RBFOX1: variants seen among roughly 807,000 people sequenced by gnomAD.
RBFOX1 encodes the protein RNA binding protein fox-1 homolog 1.
A neutral mutation model predicts 57.7 loss-of-function variants in RBFOX1; 8 were observed. That is an observed-to-expected ratio of 0.14 (90% CI 0.08 to 0.25). The LOEUF is 0.25. Ranked by LOEUF, RBFOX1 falls within the 10% of genes least tolerant of loss-of-function variation. The pLI is 1.00. For missense variants in RBFOX1, 611 were observed against 548.5 expected, an observed-to-expected ratio of 1.11 and a Z score of -1.14; for synonymous variants, 326 against 222.4, an observed-to-expected ratio of 1.47 and a Z score of -4.15.
intron 2 of RBFOX1, among the ~76,000 whole-genome samples, chr16:6,354,621 A>G (rs1488919274): frequency 6.6e-6 from 1 of 152,052 alleles, no homozygotes; most frequent in African/African-American, 2.4e-5. Flanking sequence ...TCCTGACTGT[A>G]TACTAGCTGC....
In RBFOX1 at chr16:6,004,998, AC is replaced by A. The variant is rs1200422744; in HGVS notation, c.351+137664del. Among the ~76,000 whole-genome samples the A allele has an allele frequency of 1.3e-3, 145 of 114,656 alleles. 2 individuals carry two copies. Among genetic ancestry groups the A allele is most frequent in the South Asian group, 1.8e-3 (7 of 3,896 alleles). 75.2% of individuals were successfully genotyped at this position (114,656 alleles called of 152,430 possible). A position where few individuals can be genotyped will look rare whatever the true frequency, so the allele number is the denominator to read the frequency against. ...ATGAAATTTGTTTTGTTGCTAAAAA[AC>A]AAAACAAAACAAAACAAAACTTGGG... On this transcript the variant is annotated intron_variant, in intron 4 of 19. Coordinates refer to the RBFOX1 transcript ENST00000641259.
At chr16:5,839,584 C>T (rs1363292769) in intron 3 of RBFOX1, among the ~76,000 whole-genome samples, 1 of 152,152 alleles carries the variant, frequency 6.6e-6, no homozygotes, top group Non-Finnish European at 1.5e-5. Context: ...CTTAATCAAG[C>T]AGTAAGTAAC....
chr16:7,305,914 C>T (rs2096171998), intron 4 of RBFOX1, among the ~76,000 whole-genome samples: 1 of 152,072 alleles, frequency 6.6e-6, no homozygotes, highest in Non-Finnish European at 1.5e-5. Flanking sequence ...TGTGCCTTTG[C>T]TGTGGGTGTG....
chr16:7,657,718 C>T (rs892353569), intron 12 of RBFOX1, among the ~76,000 whole-genome samples: 6 of 152,180 alleles, frequency 3.9e-5, no homozygotes, highest in Non-Finnish European at 7.3e-5. Flanking sequence ...TTTTGTCTCA[C>T]ATGCCTAAAT....
At chr16:5,624,659 G>A (rs2151289686) in intron 3 of RBFOX1, among the ~76,000 whole-genome samples, 1 of 152,338 alleles carries the variant, frequency 6.6e-6, no homozygotes, top group East Asian at 1.9e-4. Context: ...CCGACTGCCA[G>A]CCACTAGCTG....
chr16:5,259,570 A>C (rs1260274811), intron 1 of RBFOX1, among the ~76,000 whole-genome samples: 1 of 152,184 alleles, frequency 6.6e-6, no homozygotes, highest in Non-Finnish European at 1.5e-5. Flanking sequence ...GTGGGTGCTC[A>C]GTGGAACAGG....
At chr16:6,989,316 A>G (rs569104715) in intron 3 of RBFOX1, among the ~76,000 whole-genome samples, 1 of 152,206 alleles carries the variant, frequency 6.6e-6, no homozygotes, top group African/African-American at 2.4e-5. Context: ...ATTTACAATT[A>G]TATGTGCTTC....
Position 6,855,168 on chromosome 16 carries a change from T to C in RBFOX1, c.-15-196889T>C, listed in dbSNP as rs1167180407. On this transcript the variant is annotated intron_variant, in intron 3 of 15. Transcript: ENST00000550418. ...CGTGAGTGTGTAGCTATACGTGTTC[T>C]GGTGAGCATGATATCCCCAGTACCC... 4.6e-5 allele frequency among the ~76,000 whole-genome samples: 7 copies of C among 152,158 alleles called. No individual in the cohort carries two copies. In the East Asian group the frequency reaches 1.4e-3, roughly 30 times the overall value.
intron 3 of RBFOX1, among the ~76,000 whole-genome samples, chr16:5,700,291 C>A (rs1159855678): frequency 6.6e-6 from 1 of 151,934 alleles, no homozygotes; most frequent in Non-Finnish European, 1.5e-5. Flanking sequence ...CCCACTTTGA[C>A]AGTTTTTTTT....
At chr16:5,407,479 G>C (rs183158504) in intron 1 of RBFOX1, among the ~76,000 whole-genome samples, 1 of 152,218 alleles carries the variant, frequency 6.6e-6, no homozygotes, top group African/African-American at 2.4e-5. Context: ...GCTTGTGGAC[G>C]GAGTGTGGAG....
At chr16:6,315,832 A>G (rs2081050734) in intron 1 of RBFOX1, among the ~76,000 whole-genome samples, 1 of 152,006 alleles carries the variant, frequency 6.6e-6, no homozygotes, top group Admixed American at 6.6e-5. Context: ...AGGTGTTGTA[A>G]TTTATCAACA....
At chr16:6,546,639 C>T (rs2096900078) in intron 2 of RBFOX1, among the ~76,000 whole-genome samples, 1 of 152,216 alleles carries the variant, frequency 6.6e-6, no homozygotes, top group Admixed American at 6.5e-5. Flanking sequence ...TATAAGGACA[C>T]ATCCACCTTA....
Position 7,521,921 on chromosome 16 carries a change from T to C in RBFOX1, c.270+3532T>C, listed in dbSNP as rs532084360. On this transcript the variant is annotated intron_variant, in intron 5 of 15. Transcript: ENST00000550418. ...CTGAGTTGGCTTCCTCGTCCTCACCTCAGCTCTCTGGCTCTGTCCTGCAAG... is the reference window on the plus strand; with the variant it reads ...CTGAGTTGGCTTCCTCGTCCTCACCCCAGCTCTCTGGCTCTGTCCTGCAAG... 7.2e-5 allele frequency among the ~76,000 whole-genome samples: 11 copies of C among 152,284 alleles called. No individual in the cohort carries two copies. The East Asian group carries it at 1.9e-3, about 27-fold the overall frequency.
At chr16:7,440,702 C>G (rs973518860) in intron 4 of RBFOX1, among the ~76,000 whole-genome samples, 3 of 152,100 alleles carry the variant, frequency 2.0e-5, no homozygotes, top group Admixed American at 1.3e-4. Flanking sequence ...TAAAGTTGAG[C>G]TTTTCTGTTT....
intron 3 of RBFOX1, among the ~76,000 whole-genome samples, chr16:5,757,615 C>T (rs996109136): frequency 6.6e-6 from 1 of 152,048 alleles, no homozygotes; most frequent in African/African-American, 2.4e-5. Flanking sequence ...CACAGAGAGA[C>T]CAGGAAATGT....
At chr16:7,496,755 A>AAAAC (rs202126746) in intron 4 of RBFOX1, among the ~76,000 whole-genome samples, 44 of 151,980 alleles carry the variant, frequency 2.9e-4, no homozygotes, top group Non-Finnish European at 3.7e-4. Context: ...CAGAAAAAAA[A>AAAAC]AAAACAGTTT....
At chr16:7,098,441 A>G (rs193277653) in intron 4 of RBFOX1, among the ~76,000 whole-genome samples, 1 of 152,358 alleles carries the variant, frequency 6.6e-6, no homozygotes, top group Non-Finnish European at 1.5e-5. Flanking sequence ...AAGTGCTGAG[A>G]TTACAGGCAT....
At chr16:5,699,736 A>G (rs182794024) in intron 3 of RBFOX1, among the ~76,000 whole-genome samples, 3 of 152,368 alleles carry the variant, frequency 2.0e-5, no homozygotes, top group Admixed American at 6.5e-5. Flanking sequence ...GTACAAAATT[A>G]TCCTGCCCAA....
intron 4 of RBFOX1, among the ~76,000 whole-genome samples, chr16:7,454,235 A>T (rs923040347): frequency 1.3e-5 from 2 of 152,018 alleles, no homozygotes; most frequent in African/African-American, 4.8e-5. Context: ...TCCGTCCCCC[A>T]CCAACCCCCC....
Sources: allele counts gnomAD v4.1 joint callset (sites outside exome capture counted in the v4.1 genomes callset), GRCh38; gene constraint gnomAD v4.1.1; transcripts MANE v1.5; gene names NCBI Gene and HGNC (gene_info 2026-07-23, HGNC 2026-07-21).